The following GABRG3 variants were observed in gnomAD, a reference collection of about 807,000 sequenced individuals.
The protein encoded by GABRG3 is gamma-aminobutyric acid type A receptor subunit gamma3.
GABRG3 carries 25 observed loss-of-function variants against 48.8 expected under a neutral mutation model. The ratio of observed to expected loss-of-function variants is 0.51; its 90% CI spans 0.37 to 0.72. The LOEUF is 0.72. Ranked by LOEUF, GABRG3 falls within the 30% of genes least tolerant of loss-of-function variation. The pLI is 0.00. For missense variants in GABRG3, 394 were observed against 577.9 expected (o/e 0.68, Z 3.26); for synonymous variants, 227 against 217.6 (o/e 1.04, Z -0.38).
intron 3 of GABRG3, among the ~76,000 whole-genome samples, chr15:27,307,194 T>G (rs1006857229): frequency 7.2e-6 from 1 of 138,708 alleles, no homozygotes; most frequent in East Asian, 2.2e-4. Context: ...CATGTTTATA[T>G]TATAATACAA....
chr15:27,210,010 G>A (rs75618176), intron 3 of GABRG3, among the ~76,000 whole-genome samples: 355 of 152,274 alleles, frequency 2.3e-3, no homozygotes, highest in African/African-American at 8.3e-3. Context: ...ATTTAACCCA[G>A]GTTACCTTTT....
chr15:27,385,401 A>C (rs888507908), intron 5 of GABRG3, among the ~76,000 whole-genome samples: 7 of 151,196 alleles, frequency 4.6e-5, no homozygotes, highest in African/African-American at 1.5e-4. Flanking sequence ...GGACATGTAG[A>C]TGGAGGTTTG....
chr15:27,073,364 G>T (rs1035230988), intron 3 of GABRG3, among the ~76,000 whole-genome samples: 1 of 152,224 alleles, frequency 6.6e-6, no homozygotes, highest in African/African-American at 2.4e-5. Context: ...TCAGCAGCAT[G>T]CCTCAGGGGT....
At chr15:27,033,695 A>G (rs1257220139) in intron 3 of GABRG3, among the ~76,000 whole-genome samples, 1 of 152,142 alleles carries the variant, frequency 6.6e-6, no homozygotes, top group Non-Finnish European at 1.5e-5. Context: ...GTTTAAGAGG[A>G]TGATGGTCTT....
At chr15:27,297,308 G>A (rs1892027208) in intron 3 of GABRG3, among the ~76,000 whole-genome samples, 2 of 152,106 alleles carry the variant, frequency 1.3e-5, no homozygotes, top group Non-Finnish European at 2.9e-5. Context: ...GCCTCTAAGT[G>A]TACAGTGTTT....
intron 2 of GABRG3, among the ~76,000 whole-genome samples, chr15:26,985,006 T>C (rs1282954908): frequency 2.0e-5 from 3 of 152,238 alleles, no homozygotes; most frequent in African/African-American, 7.2e-5. Context: ...TGTTTGCATA[T>C]CTGAACTTCT....
intron 3 of GABRG3, among the ~76,000 whole-genome samples, chr15:27,189,105 G>T (rs1474902612): frequency 6.6e-6 from 1 of 152,072 alleles, no homozygotes; most frequent in Non-Finnish European, 1.5e-5. Flanking sequence ...TTTGGTACCA[G>T]TACCATGCTG....
chr15:27,068,335 C>A (rs555240076), intron 3 of GABRG3, among the ~76,000 whole-genome samples: 3 of 152,148 alleles, frequency 2.0e-5, no homozygotes, highest in African/African-American at 7.2e-5. Context: ...CAGGAGCCTG[C>A]GGCTGGAGGA....
At chr15:27,328,055 A>G (rs1228007307) in intron 4 of GABRG3, among the ~76,000 whole-genome samples, 1 of 152,248 alleles carries the variant, frequency 6.6e-6, no homozygotes, top group East Asian at 1.9e-4. Flanking sequence ...AGACAGCATT[A>G]AAGTTTCAGG....
intron 3 of GABRG3, among the ~76,000 whole-genome samples, chr15:27,246,547 T>C (rs190006600): frequency 3.3e-5 from 5 of 152,326 alleles, no homozygotes; most frequent in Admixed American, 1.3e-4. Flanking sequence ...ACAAAACTTT[T>C]CTTTTAAGGA....
chr15:27,081,464 A>G (rs955015030), intron 3 of GABRG3, among the ~76,000 whole-genome samples: 5 of 152,308 alleles, frequency 3.3e-5, no homozygotes, highest in African/African-American at 1.2e-4. Context: ...ATATTATTAA[A>G]TATTCACTCA....
At chr15:27,414,224 A>G (rs1887878629) in intron 5 of GABRG3, among the ~76,000 whole-genome samples, 1 of 152,166 alleles carries the variant, frequency 6.6e-6, no homozygotes, top group Non-Finnish European at 1.5e-5. Context: ...GGATCAGTTC[A>G]TGTTATCTTT....
At chr15:27,222,945 A>G (rs1025268431) in intron 3 of GABRG3, among the ~76,000 whole-genome samples, 3 of 152,184 alleles carry the variant, frequency 2.0e-5, no homozygotes, top group African/African-American at 7.2e-5. Flanking sequence ...GTGGAATGAA[A>G]ACAATCAACT....
At chr15:27,088,339 C>T (rs1286762409) in intron 3 of GABRG3, among the ~76,000 whole-genome samples, 1 of 151,740 alleles carries the variant, frequency 6.6e-6, no homozygotes, top group East Asian at 1.9e-4. Flanking sequence ...GCCTCCAGGG[C>T]TCTGGGGAAG....
At chr15:27,381,794 T>C (rs1895785704) in intron 5 of GABRG3, among the ~76,000 whole-genome samples, 1 of 152,168 alleles carries the variant, frequency 6.6e-6, no homozygotes, top group Admixed American at 6.5e-5. Flanking sequence ...TCCAAGCTGG[T>C]GATTTCAGCT....
chr15:27,061,062 A>G (rs905796801), intron 3 of GABRG3, among the ~76,000 whole-genome samples: 4 of 152,262 alleles, frequency 2.6e-5, no homozygotes, highest in Non-Finnish European at 2.9e-5. Context: ...AGGTCATCAT[A>G]CAAAACAGGA....
At chr15:27,493,310 A>T (rs1890401042) in intron 6 of GABRG3, among the ~76,000 whole-genome samples, 2 of 151,160 alleles carry the variant, frequency 1.3e-5, no homozygotes, top group East Asian at 1.9e-4. Context: ...AAACATGAGA[A>T]TTTTTTTTTT....
intron 2 of GABRG3, among the ~76,000 whole-genome samples, chr15:27,018,797 A>C (rs1328704363): frequency 1.3e-5 from 2 of 152,128 alleles, no homozygotes; most frequent in African/African-American, 4.8e-5. Flanking sequence ...GCAAAACTGC[A>C]ATATTGACCA....
At chr15:27,451,896 T>C (rs1212574772) in intron 5 of GABRG3, among the ~76,000 whole-genome samples, 2 of 152,176 alleles carry the variant, frequency 1.3e-5, no homozygotes, top group East Asian at 3.9e-4. Flanking sequence ...AATATAAGCA[T>C]ATCTGGTGGA....
Sources: gnomAD v4.1 joint callset for allele counts (sites outside exome capture counted in the v4.1 genomes callset) on GRCh38, gnomAD v4.1.1 for gene constraint, MANE v1.5 for transcripts, NCBI Gene and HGNC (gene_info 2026-07-23, HGNC 2026-07-21) for gene names.